The following WIPF2 variants were observed in gnomAD, a reference collection of about 807,000 sequenced individuals.
WIPF2 encodes WAS/WASL-interacting protein family member 2.
A neutral mutation model predicts 38.8 loss-of-function variants in WIPF2; 23 were observed. The ratio of observed to expected loss-of-function variants is 0.59; its 90% CI spans 0.43 to 0.84. The LOEUF (loss-of-function observed/expected upper bound fraction) is 0.84, where lower values mean the gene tolerates loss of function less well. Ranked by LOEUF, WIPF2 falls within the 40% of genes least tolerant of loss-of-function variation. WIPF2 has a pLI of 0.00. For missense variants in WIPF2, 574 were observed against 580.5 expected (o/e 0.99, Z 0.11); for synonymous variants, 210 against 223.2 (o/e 0.94, Z 0.53).
At chr17:40,238,468 T>C (rs756432370) in intron 1 of WIPF2, among the ~76,000 whole-genome samples, 13 of 151,410 alleles carry the variant, frequency 8.6e-5, no homozygotes, top group Non-Finnish European at 1.6e-4. Flanking sequence ...CATGCCCGGC[T>C]AATTTTTGTA....
Position 40,256,403 on chromosome 17 carries a change from C to T in WIPF2, c.-57C>T, listed in dbSNP as rs2145363385. Reference sequence around the variant, plus strand: ...TTTTCATTTGCAGGTATATGAATGACCTAAAGGTACAAATAAAGACGGAGA... The same window carrying T: ...TTTTCATTTGCAGGTATATGAATGATCTAAAGGTACAAATAAAGACGGAGA... On this transcript the variant is annotated 5_prime_UTR_variant, in exon 2 of 8. Transcript: ENST00000323571. The T allele has an allele frequency of 1.9e-6, 3 of 1,581,906 alleles. No homozygotes were observed. The highest frequency in any genetic ancestry group is 1.2e-5 in the South Asian group (1 of 84,622).
intron 1 of WIPF2, among the ~76,000 whole-genome samples, chr17:40,239,216 C>T (rs959266546): frequency 4.6e-5 from 7 of 151,702 alleles, no homozygotes; most frequent in South Asian, 2.1e-4. Flanking sequence ...GGACCACAGG[C>T]GCCCGCCACC....
chr17:40,281,135 A>G lies in WIPF2; in HGVS notation c.*2910A>G, dbSNP rs2032537709. 1 of 152,082 alleles carries G rather than the reference A, an allele frequency of 6.6e-6. No homozygotes were observed. Among genetic ancestry groups the G allele is most frequent in the Non-Finnish European group, 1.5e-5 (1 of 68,020 alleles). 9.4% of individuals were successfully genotyped at this position (152,082 alleles called of 1,614,324 possible). On this transcript the variant is annotated 3_prime_UTR_variant, in exon 8 of 8. Coordinates refer to ENST00000323571, the MANE Select transcript of WIPF2 (RefSeq NM_133264.5). ...TGTGGGAATGTCGTCTCTTTCGTGGAAGATTGGGTGGTCTCATGTTGAGGC... is the reference window on the plus strand; with the variant it reads ...TGTGGGAATGTCGTCTCTTTCGTGGGAGATTGGGTGGTCTCATGTTGAGGC...
intron 2 of WIPF2, among the ~76,000 whole-genome samples, chr17:40,257,742 CAAA>C (rs397857008): frequency 8.9e-5 from 8 of 89,996 alleles, no homozygotes; most frequent in Admixed American, 1.3e-4. Flanking sequence ...GGCTCCATCT[CAAA>C]AAAAAAAAAA....
chr17:40,223,475 G>C, intron 1 of WIPF2, among the ~76,000 whole-genome samples: 1 of 151,718 alleles, frequency 6.6e-6, no homozygotes, highest in East Asian at 1.9e-4. Flanking sequence ...GGAGTTTTCA[G>C]GTTTTACTGA....
intron 1 of WIPF2, among the ~76,000 whole-genome samples, chr17:40,222,212 C>T (rs1234672951): frequency 1.3e-5 from 2 of 149,296 alleles, no homozygotes; most frequent in Non-Finnish European, 3.0e-5. Flanking sequence ...TGCTGCCACG[C>T]CCAGCTAATT....
intron 1 of WIPF2, among the ~76,000 whole-genome samples, chr17:40,242,165 G>A (rs982821803): frequency 6.6e-6 from 1 of 152,138 alleles, no homozygotes; most frequent in Non-Finnish European, 1.5e-5. Context: ...ATTGTTTGAG[G>A]TCAGGAGTTT....
intron 1 of WIPF2, among the ~76,000 whole-genome samples, chr17:40,221,690 C>T (rs8073756): frequency 0.99 from 9,638 of 9,720 alleles, 4,778 homozygotes; most frequent in Middle Eastern, 1. Context: ...AAGCGCTTCT[C>T]CTGCCTCAGT....
intron 4 of WIPF2, among the ~76,000 whole-genome samples, chr17:40,263,919 C>G (rs746092960): frequency 5.3e-5 from 8 of 151,944 alleles, no homozygotes; most frequent in Non-Finnish European, 8.8e-5. Context: ...TTTAATCATT[C>G]CACAACGTAT....
chr17:40,227,197 C>T (rs1283352017), intron 1 of WIPF2, among the ~76,000 whole-genome samples: 3 of 151,514 alleles, frequency 2.0e-5, no homozygotes, highest in South Asian at 2.1e-4. Context: ...TGTGCCACCA[C>T]GTCCAGCTAA....
chr17:40,283,968 ACT>A lies in WIPF2; in HGVS notation c.*5747_*5748del, dbSNP rs1448262497. On this transcript the variant is annotated 3_prime_UTR_variant, in exon 8 of 8. Coordinates refer to ENST00000323571, the MANE Select transcript of WIPF2 (RefSeq NM_133264.5). ...TTCATAATGGGTGTGTGTATGAATC[ACT>A]CTCACATAATTTAGATATAAAAACC... 7.2e-5 allele frequency: 11 copies of A among 152,172 alleles called. No individual in the cohort carries two copies. In the East Asian group the frequency reaches 2.1e-3, roughly 29 times the overall value. The allele number at this position is 152,172 out of a possible 1,614,324, so 9.4% of individuals were successfully genotyped here.
chr17:40,273,525 T>C (rs1449478699), intron 5 of WIPF2: 1 of 449,904 alleles, frequency 2.2e-6, no homozygotes, highest in African/African-American at 2.1e-5. Context: ...ATTAGAATTG[T>C]GGAGGAAGGC....
intron 1 of WIPF2, among the ~76,000 whole-genome samples, chr17:40,249,301 T>G (rs1298152719): frequency 1.3e-5 from 2 of 152,210 alleles, no homozygotes; most frequent in East Asian, 3.8e-4. Flanking sequence ...TAAACTGGAT[T>G]CTTCATTTAT....
intron 1 of WIPF2, among the ~76,000 whole-genome samples, chr17:40,236,543 C>T (rs564656254): frequency 6.8e-5 from 10 of 146,786 alleles, no homozygotes; most frequent in South Asian, 4.4e-4. Context: ...TGGCCTCAAC[C>T]GATCCTCCTG....
At chr17:40,263,546 T>TTCC (rs2031980621) in intron 4 of WIPF2, among the ~76,000 whole-genome samples, 15 of 85,908 alleles carry the variant, frequency 1.7e-4, no homozygotes, top group South Asian at 4.5e-4. Flanking sequence ...TATTTATTCG[T>TTCC]CCCCCCCCCC....
At chr17:40,226,364 C>T (rs981426133) in intron 1 of WIPF2, among the ~76,000 whole-genome samples, 3 of 151,640 alleles carry the variant, frequency 2.0e-5, no homozygotes, top group East Asian at 1.9e-4. Context: ...CCACCACACC[C>T]GGCTAATTTA....
At chr17:40,223,820 T>C (rs2030357408) in intron 1 of WIPF2, among the ~76,000 whole-genome samples, 1 of 151,936 alleles carries the variant, frequency 6.6e-6, no homozygotes, top group Non-Finnish European at 1.5e-5. Flanking sequence ...CTTCTGACCT[T>C]GTGATCTGCC....
intron 1 of WIPF2, among the ~76,000 whole-genome samples, chr17:40,221,144 C>T (rs2030218764): frequency 6.6e-6 from 1 of 151,982 alleles, no homozygotes; most frequent in Non-Finnish European, 1.5e-5. Flanking sequence ...CCCAGGGTCC[C>T]CGTCCTTTTT....
intron 3 of WIPF2, chr17:40,260,958 C>T (rs1047337097): frequency 1.5e-5 from 6 of 402,376 alleles, no homozygotes; most frequent in African/African-American, 6.3e-5. Context: ...TTCAAGGCTG[C>T]AGTGAGCTGT....
Sources: gnomAD v4.1 joint callset for allele counts (sites outside exome capture counted in the v4.1 genomes callset) on GRCh38, gnomAD v4.1.1 for gene constraint, MANE v1.5 for transcripts, NCBI Gene and HGNC (gene_info 2026-07-23, HGNC 2026-07-21) for gene names.